CNTN1: variants seen among roughly 807,000 people sequenced by gnomAD.
CNTN1 encodes the protein contactin 1.
Under a neutral mutation model 126.4 loss-of-function variants are expected in CNTN1, and 38 were observed. The ratio of observed to expected loss-of-function variants is 0.30; its 90% confidence interval spans 0.23 to 0.39. CNTN1 has a LOEUF of 0.39. CNTN1 is among the 10% of genes least tolerant of loss of function. The pLI is 1.00. For synonymous variants in CNTN1, 413 were observed against 422.6 expected (o/e 0.98, Z 0.28); for missense variants, 1,009 against 1,248.4 (o/e 0.81, Z 2.89).
rs775391705 is a variant in CNTN1, at chr12:40,937,575, T to C, written c.1116T>C (p.His372=). Residue 372 remains histidine, a synonymous_variant, in exon 11 of 24, where the codon CAT becomes CAC. Coordinates refer to ENST00000551295, the MANE Select transcript of CNTN1 (RefSeq NM_001843.4). ...IRWLKNGYAY[H]KGELRLYDVT... The stretch of plus-strand genomic sequence containing the variant: ...TTCAATTTTATTCTTTTCAGTATCA[T>C]AAAGGGGAATTAAGACTGTATGATG... The C allele has an allele frequency of 6.3e-7, 1 of 1,580,638 alleles. No individual in the cohort carries two copies. The highest frequency in any genetic ancestry group is 8.7e-7 in the Non-Finnish European group (1 of 1,149,708).
chr12:40,959,158 A>G lies in CNTN1; in HGVS notation c.1728A>G (p.Lys576=). The part of the protein sequence containing the change: ...GELLIRNAQL[K]HAGRYTCTAQ... The stretch of plus-strand genomic sequence containing the variant: ...TACTAATCCGAAATGCGCAGCTGAA[A>G]CATGCTGGAAGATACACATGCACTG... The change falls in exon 15 of 24, where the codon AAA becomes AAG. Residue 576 remains lysine, a synonymous_variant. Transcript: ENST00000551295. The G allele has an allele frequency of 1.2e-6, 2 of 1,612,752 alleles. No homozygotes were observed. The highest frequency in any genetic ancestry group is 1.7e-6 in the Non-Finnish European group (2 of 1,179,154).
At chr12:40,852,146 C>T (rs1942740953) in intron 1 of CNTN1, among the ~76,000 whole-genome samples, 2 of 151,986 alleles carry the variant, frequency 1.3e-5, no homozygotes, top group African/African-American at 4.8e-5. Flanking sequence ...GCAGAGAGGC[C>T]TTCAGCTACA....
chr12:40,924,169 ATT>A (rs1184350577), intron 5 of CNTN1, among the ~76,000 whole-genome samples: 1 of 152,054 alleles, frequency 6.6e-6, no homozygotes. Flanking sequence ...AAATGAGTCC[ATT>A]CCTCTAAGTC....
At chr12:41,025,737 A>G (rs191838161) in intron 21 of CNTN1, among the ~76,000 whole-genome samples, 170 of 152,274 alleles carry the variant, frequency 1.1e-3, no homozygotes, top group African/African-American at 3.9e-3. Flanking sequence ...TGCACAGTGC[A>G]ATGCAAGTTA....
intron 23 of CNTN1, among the ~76,000 whole-genome samples, chr12:41,048,506 C>T (rs1396112501): frequency 6.6e-6 from 1 of 152,126 alleles, no homozygotes; most frequent in Non-Finnish European, 1.5e-5. Context: ...AAGGACACCC[C>T]TCCACATGGA....
chr12:40,705,946 C>G (rs1449289859), intron 1 of CNTN1, among the ~76,000 whole-genome samples: 1 of 151,952 alleles, frequency 6.6e-6, no homozygotes, highest in African/African-American at 2.4e-5. Context: ...TGTCTTGAGA[C>G]AGCAGCAAGG....
intron 9 of CNTN1, among the ~76,000 whole-genome samples, chr12:40,935,645 A>G (rs902424357): frequency 1.7e-4 from 26 of 152,102 alleles, no homozygotes; most frequent in African/African-American, 5.6e-4. Flanking sequence ...ATGTATTGCT[A>G]AGATTGTATA....
intron 1 of CNTN1, among the ~76,000 whole-genome samples, chr12:40,822,906 T>C (rs1189489554): frequency 6.6e-6 from 1 of 152,166 alleles, no homozygotes; most frequent in African/African-American, 2.4e-5. Context: ...CACTTCTCCC[T>C]GTCCCTCTTA....
intron 23 of CNTN1, among the ~76,000 whole-genome samples, chr12:41,040,449 G>A (rs886133069): frequency 3.9e-5 from 6 of 152,058 alleles, no homozygotes; most frequent in Admixed American, 6.6e-5. Flanking sequence ...AATTAGAGAC[G>A]AGGAAATTAG....
chr12:40,872,188 G>A (rs1056824084), intron 1 of CNTN1, among the ~76,000 whole-genome samples: 3 of 148,300 alleles, frequency 2.0e-5, no homozygotes, highest in Non-Finnish European at 3.0e-5. Context: ...AAGAGATTTC[G>A]GTAGGGTTTT....
intron 23 of CNTN1, among the ~76,000 whole-genome samples, chr12:41,068,721 G>T (rs999344171): frequency 2.6e-5 from 4 of 152,146 alleles, no homozygotes; most frequent in Non-Finnish European, 5.9e-5. Context: ...TAATTTATTT[G>T]GTGGTTTCAA....
intron 1 of CNTN1, among the ~76,000 whole-genome samples, chr12:40,836,176 GTGTATATATAGTATATA>G (rs1942051929): frequency 6.8e-6 from 1 of 146,814 alleles, no homozygotes. Context: ...TCGTATATAT[GTGTATATATAGTATATA>G]TGTATAAATA....
Position 41,020,326 on chromosome 12 carries a change from T to A in CNTN1, c.2420-11T>A. ...TCTCACTAATAATATAATGTTCTCATAAAATTTCAGCTCCCAGTGAAGCCC... is the reference window on the plus strand; with the variant it reads ...TCTCACTAATAATATAATGTTCTCAAAAAATTTCAGCTCCCAGTGAAGCCC... On this transcript the variant is annotated splice_polypyrimidine_tract_variant and intron_variant, in intron 19 of 23. Transcript: ENST00000551295. The A allele has an allele frequency of 6.4e-7, 1 of 1,568,930 alleles. No homozygotes were observed. Among genetic ancestry groups the A allele is most frequent in the Non-Finnish European group, 8.8e-7 (1 of 1,141,300 alleles).
chr12:40,967,072 C>A (rs775880673), intron 15 of CNTN1, among the ~76,000 whole-genome samples: 3 of 152,022 alleles, frequency 2.0e-5, no homozygotes, highest in Non-Finnish European at 4.4e-5. Flanking sequence ...GAGGCAGAGG[C>A]AGGAGAATTG....
intron 1 of CNTN1, among the ~76,000 whole-genome samples, chr12:40,811,607 T>G (rs573954510): frequency 1.3e-5 from 2 of 152,152 alleles, no homozygotes; most frequent in Non-Finnish European, 2.9e-5. Context: ...GTTTAGATTT[T>G]CTATTTCATA....
chr12:40,948,947 G>A (rs1233707054), intron 14 of CNTN1, among the ~76,000 whole-genome samples: 4 of 152,190 alleles, frequency 2.6e-5, no homozygotes, highest in Admixed American at 2.6e-4. Context: ...CTAGGTGTGT[G>A]TTTGCAGGTA....
intron 1 of CNTN1, among the ~76,000 whole-genome samples, chr12:40,708,128 C>A (rs1475606790): frequency 6.6e-6 from 1 of 152,136 alleles, no homozygotes. Flanking sequence ...ATTACTCATA[C>A]TATGCTTTCA....
At chr12:40,921,124 A>T (rs547735406) in intron 4 of CNTN1, among the ~76,000 whole-genome samples, 1 of 152,340 alleles carries the variant, frequency 6.6e-6, no homozygotes, top group South Asian at 2.1e-4. Flanking sequence ...AAGTTTTAAA[A>T]ATGCAAAATC....
intron 23 of CNTN1, among the ~76,000 whole-genome samples, chr12:41,067,826 G>T (rs1351529928): frequency 6.6e-6 from 1 of 151,778 alleles, no homozygotes; most frequent in Non-Finnish European, 1.5e-5. Context: ...ACGTTTAAAG[G>T]TTTTACTGTG....
Sources: gnomAD v4.1 joint callset for allele counts (sites outside exome capture counted in the v4.1 genomes callset) on GRCh38, gnomAD v4.1.1 for gene constraint, MANE v1.5 for transcripts, NCBI Gene and HGNC (gene_info 2026-07-23, HGNC 2026-07-21) for gene names.